The following MYO1D variants were observed in gnomAD, a reference collection of about 807,000 sequenced individuals.
MYO1D encodes unconventional myosin-Id.
A neutral mutation model predicts 122.0 loss-of-function variants in MYO1D; 83 were observed. The observed-to-expected ratio is 0.68, with a 90% confidence interval of 0.57 to 0.82. MYO1D has a LOEUF of 0.82. MYO1D is among the 40% of genes least tolerant of loss of function. The pLI, the probability that MYO1D is intolerant of heterozygous loss-of-function variation, is 0.00. For missense variants in MYO1D, 1,157 were observed against 1,269.5 expected, an observed-to-expected ratio of 0.91 and a Z score of 1.35; for synonymous variants, 464 against 446.9, an observed-to-expected ratio of 1.04 and a Z score of -0.48.
At chr17:32,851,180 T>TC (rs1229833268) in intron 1 of MYO1D, among the ~76,000 whole-genome samples, 11 of 152,070 alleles carry the variant, frequency 7.2e-5, no homozygotes, top group Non-Finnish European at 1.5e-4. Context: ...TTTCTACCAT[T>TC]CCCCCCACTC....
At chr17:32,834,912 T>G (rs1326601690) in intron 1 of MYO1D, among the ~76,000 whole-genome samples, 4 of 152,156 alleles carry the variant, frequency 2.6e-5, no homozygotes, top group Admixed American at 2.6e-4. Context: ...CTCGGGAGAC[T>G]GGGGCAGGAG....
chr17:32,565,255 C>T (rs1397335495), intron 21 of MYO1D, among the ~76,000 whole-genome samples: 1 of 152,206 alleles, frequency 6.6e-6, no homozygotes, highest in African/African-American at 2.4e-5. Flanking sequence ...CCTCCTGCCT[C>T]GGCCTCCCAA....
intron 21 of MYO1D, among the ~76,000 whole-genome samples, chr17:32,526,257 C>G (rs1382979800): frequency 6.6e-6 from 1 of 152,228 alleles, no homozygotes; most frequent in Non-Finnish European, 1.5e-5. Flanking sequence ...ATAATAGCTC[C>G]TCTGTAAATA....
At position 32,635,693 on chromosome 17, in the gene MYO1D, G is replaced by C. The variant is rs143977203; in HGVS notation, c.2709+3029C>G. On this transcript the variant is annotated intron_variant, in intron 20 of 21. Transcript: ENST00000318217. Reference sequence around the variant, plus strand: ...GGGTGACAGAGCAAGACTCCGTCTCGGGTGGCGGGGGGGTGGAAAGAAACA... The same window carrying C: ...GGGTGACAGAGCAAGACTCCGTCTCCGGTGGCGGGGGGGTGGAAAGAAACA... 3.3e-5 allele frequency among the ~76,000 whole-genome samples: 5 copies of C among 152,102 alleles called. No individual in the cohort carries two copies. In the East Asian group the frequency reaches 9.7e-4, roughly 29 times the overall value.
intron 8 of MYO1D, among the ~76,000 whole-genome samples, chr17:32,762,600 G>A (rs2090012561): frequency 1.3e-5 from 2 of 152,134 alleles, no homozygotes; most frequent in African/African-American, 4.8e-5. Context: ...CTTGCCAGGT[G>A]CAGTGGCTCA....
At chr17:32,614,184 A>T (rs1199960955) in intron 20 of MYO1D, among the ~76,000 whole-genome samples, 2 of 143,598 alleles carry the variant, frequency 1.4e-5, no homozygotes, top group Admixed American at 7.5e-5. Context: ...TTCTTTGGTT[A>T]CTGCTCTCTA....
intron 16 of MYO1D, among the ~76,000 whole-genome samples, chr17:32,700,672 G>A (rs12051670): frequency 0.027 from 4,157 of 152,200 alleles, 136 homozygotes; most frequent in East Asian, 0.19. Flanking sequence ...GGCTGGGCAC[G>A]GTGGCTTACA....
At chr17:32,600,796 A>G (rs2087552814) in intron 21 of MYO1D, among the ~76,000 whole-genome samples, 2 of 152,206 alleles carry the variant, frequency 1.3e-5, no homozygotes, top group Admixed American at 1.3e-4. Flanking sequence ...CTTATTATTC[A>G]TGTATTCACT....
In MYO1D at chr17:32,506,446, A is replaced by T. The variant is rs181736312; in HGVS notation, c.2865-11531T>A. ...CTTCAGGCAAGCACAGTGCAAAAAAATTATAATAATGGGAAACAGATACAG... is the reference window on the plus strand; with the variant it reads ...CTTCAGGCAAGCACAGTGCAAAAAATTTATAATAATGGGAAACAGATACAG... On this transcript the variant is annotated intron_variant, in intron 21 of 21. Transcript: ENST00000318217. Among the ~76,000 whole-genome samples the T allele has an allele frequency of 2.4e-3, 359 of 152,258 alleles. 1 individual carries two copies. The highest frequency in any genetic ancestry group is 0.022 in the South Asian group (108 of 4,820).
In MYO1D at chr17:32,694,658, G is replaced by A. The variant is rs997000702; in HGVS notation, c.2121+17330C>T. On this transcript the variant is annotated intron_variant, in intron 16 of 21. Transcript: ENST00000318217. ...GGAGCTTGCAGTGAGCCGAGATTGCGCCACTGCAGTCCGCAGTCCGGCCTG... is the reference window on the plus strand; with the variant it reads ...GGAGCTTGCAGTGAGCCGAGATTGCACCACTGCAGTCCGCAGTCCGGCCTG... 1.2e-4 allele frequency among the ~76,000 whole-genome samples: 15 copies of A among 123,286 alleles called. No individual in the cohort carries two copies. In the South Asian group the frequency reaches 1.9e-3, roughly 16 times the overall value. The allele number at this position is 123,286 out of a possible 152,430, so 80.9% of individuals were successfully genotyped here.
chr17:32,787,437 G>A (rs905865809), intron 1 of MYO1D, among the ~76,000 whole-genome samples: 2 of 129,662 alleles, frequency 1.5e-5, no homozygotes, highest in African/African-American at 5.7e-5. Context: ...TTTTTTTTTT[G>A]AGACGGAGTC....
chr17:32,714,231 C>T (rs1201934374), intron 15 of MYO1D, among the ~76,000 whole-genome samples: 2 of 151,152 alleles, frequency 1.3e-5, no homozygotes, highest in African/African-American at 2.4e-5. Context: ...CCCACCCCCA[C>T]CCCAACAGGC....
intron 1 of MYO1D, among the ~76,000 whole-genome samples, chr17:32,785,822 G>A (rs1231123466): frequency 6.6e-6 from 1 of 152,024 alleles, no homozygotes; most frequent in Non-Finnish European, 1.5e-5. Flanking sequence ...GTTCTCTAGG[G>A]TTGAGTCTAG....
rs1567636662 is a variant in MYO1D, at chr17:32,775,939, TCCAAA to T, written c.484_488del (p.Phe162LysfsTer8). 2 of 1,613,990 alleles carry T rather than the reference TCCAAA, an allele frequency of 1.2e-6. No individual in the cohort carries two copies. The highest frequency in any genetic ancestry group is 1.7e-6 in the Non-Finnish European group (2 of 1,179,912). On this transcript the variant is annotated frameshift_variant, in exon 4 of 22. Coordinates refer to ENST00000318217, the MANE Select transcript of MYO1D (RefSeq NM_015194.3). LOFTEE classifies it high-confidence loss of function. ...AGTCAAAGTTGATATCCATGTATTT[TCCAAA>T]CCTGCTTGAGTTGTCATTACGGTTG...
At chr17:32,614,853 G>A (rs749874026) in intron 20 of MYO1D, among the ~76,000 whole-genome samples, 2 of 152,230 alleles carry the variant, frequency 1.3e-5, no homozygotes, top group Non-Finnish European at 2.9e-5. Flanking sequence ...CAGAGGGGTC[G>A]TGTGCAGGTG....
intron 21 of MYO1D, among the ~76,000 whole-genome samples, chr17:32,547,607 C>G (rs1279598937): frequency 2.6e-5 from 4 of 152,194 alleles, no homozygotes; most frequent in African/African-American, 9.7e-5. Flanking sequence ...CTGCAGCATC[C>G]CAAGTGATTG....
intron 14 of MYO1D, 58 bp from the exon 15 acceptor site, chr17:32,721,247 A>G: frequency 6.6e-7 from 1 of 1,506,764 alleles, no homozygotes; most frequent in Non-Finnish European, 9.2e-7. Flanking sequence ...CCAGCTAGGG[A>G]CACTAACATG....
intron 19 of MYO1D, among the ~76,000 whole-genome samples, chr17:32,649,331 T>C (rs944660121): frequency 2.0e-5 from 3 of 152,164 alleles, no homozygotes; most frequent in Non-Finnish European, 2.9e-5. Context: ...TGAAGCTCTA[T>C]ACCCATTAAA....
chr17:32,627,986 A>T (rs2087950270), intron 20 of MYO1D, among the ~76,000 whole-genome samples: 1 of 152,182 alleles, frequency 6.6e-6, no homozygotes, highest in Non-Finnish European at 1.5e-5. Flanking sequence ...CACGGGGAGC[A>T]ATCTTTCCCA....
Sources: gnomAD v4.1 joint callset for allele counts (sites outside exome capture counted in the v4.1 genomes callset) on GRCh38, gnomAD v4.1.1 for gene constraint, MANE v1.5 for transcripts, NCBI Gene and HGNC (gene_info 2026-07-23, HGNC 2026-07-21) for gene names.